The following VPS13B variants were observed in gnomAD, a reference collection of about 807,000 sequenced individuals.
VPS13B encodes vacuolar protein sorting 13 homolog B, also known as intermembrane lipid transfer protein VPS13B.
A neutral mutation model predicts 426.4 loss-of-function variants in VPS13B; 285 were observed. That is an observed-to-expected ratio of 0.67 (90% confidence interval 0.61 to 0.74). The LOEUF is 0.74. Ranked by LOEUF, VPS13B falls within the 30% of genes least tolerant of loss-of-function variation. The probability of loss-of-function intolerance (pLI) is 0.00; values close to 1 mark genes in which losing one functional copy is unlikely to be tolerated. For missense variants in VPS13B, 4,537 were observed against 4,782.6 expected (o/e 0.95, Z 1.51); for synonymous variants, 1,676 against 1,676.4 (o/e 1.00, Z 0.01).
intron 3 of VPS13B, among the ~76,000 whole-genome samples, chr8:99,078,376 A>T (rs1164183338): frequency 1.4e-5 from 2 of 147,646 alleles, no homozygotes; most frequent in African/African-American, 5.0e-5. Context: ...TTTGTCTTTG[A>T]TTCTTGGTGG....
intron 33 of VPS13B, among the ~76,000 whole-genome samples, chr8:99,591,997 A>T (rs1008194508): frequency 6.6e-6 from 1 of 152,076 alleles, no homozygotes; most frequent in African/African-American, 2.4e-5. Context: ...AATCAAACAT[A>T]GATTTGGTCT....
chr8:99,831,391 G>T (rs1034423320), intron 51 of VPS13B, among the ~76,000 whole-genome samples: 2 of 152,030 alleles, frequency 1.3e-5, no homozygotes, highest in African/African-American at 4.8e-5. Flanking sequence ...GGTCTTAAGA[G>T]AACTTAAAAA....
At chr8:99,845,159 A>G (rs1251214283) in intron 54 of VPS13B, among the ~76,000 whole-genome samples, 1 of 152,202 alleles carries the variant, frequency 6.6e-6, no homozygotes, top group Non-Finnish European at 1.5e-5. Flanking sequence ...TTGCTAGAAC[A>G]CTACTTCTAT....
At chr8:99,094,885 C>G (rs1288713422) in intron 3 of VPS13B, among the ~76,000 whole-genome samples, 1 of 152,146 alleles carries the variant, frequency 6.6e-6, no homozygotes, top group African/African-American at 2.4e-5. Flanking sequence ...GCAATGCACT[C>G]TCAGCTACCC....
chr8:99,257,668 A>G (rs1588180534), intron 17 of VPS13B, among the ~76,000 whole-genome samples: 1 of 152,148 alleles, frequency 6.6e-6, no homozygotes, highest in South Asian at 2.1e-4. Flanking sequence ...GCCATGCTTC[A>G]AATATTTTTA....
intron 3 of VPS13B, among the ~76,000 whole-genome samples, chr8:99,077,154 C>T (rs1845170035): frequency 6.6e-6 from 1 of 151,874 alleles, no homozygotes; most frequent in Non-Finnish European, 1.5e-5. Flanking sequence ...TTTTCCTTCT[C>T]TTAGAAAGAT....
intron 14 of VPS13B, among the ~76,000 whole-genome samples, chr8:99,152,852 T>A (rs1811145467): frequency 6.6e-6 from 1 of 152,212 alleles, no homozygotes; most frequent in Admixed American, 6.5e-5. Flanking sequence ...ATTTCTCTAT[T>A]TTCTTTTAAT....
intron 58 of VPS13B, among the ~76,000 whole-genome samples, chr8:99,865,964 A>G (rs1205400701): frequency 6.6e-6 from 1 of 152,182 alleles, no homozygotes; most frequent in African/African-American, 2.4e-5. Context: ...CTGCTCCACA[A>G]TGAAGGCTTT....
intron 21 of VPS13B, among the ~76,000 whole-genome samples, chr8:99,401,247 G>C (rs547718938): frequency 6.6e-6 from 1 of 151,910 alleles, no homozygotes. Flanking sequence ...CAATTTAATG[G>C]GATAGTATTG....
intron 33 of VPS13B, among the ~76,000 whole-genome samples, chr8:99,584,464 T>C (rs1307793110): frequency 6.6e-6 from 1 of 152,256 alleles, no homozygotes; most frequent in African/African-American, 2.4e-5. Flanking sequence ...CTGTCTACGC[T>C]AGTCTTATTA....
Position 99,835,281 on chromosome 8 carries a change from C to G in VPS13B, c.9699C>G (p.His3233Gln). The G allele has an allele frequency of 6.2e-7, 1 of 1,613,240 alleles. No homozygotes were observed. The stretch of plus-strand genomic sequence containing the variant: ...ACCCTAGTCCTCGAGTAATTATCCA[C>G]AATAGATGTCCAGTAAAAATGCTTA... The part of the protein sequence containing the change: ...SEDPSPRVII[H>Q]NRCPVKMLIK... The change falls in exon 53 of 62, where the codon CAC becomes CAG. Residue 3233 changes from histidine to glutamine, a missense_variant. By Grantham distance (24) the His-to-Gln change is conservative (BLOSUM62 0). Transcript: ENST00000357162.
chr8:99,810,618 C>A (rs1177626472), intron 44 of VPS13B, among the ~76,000 whole-genome samples: 1 of 152,188 alleles, frequency 6.6e-6, no homozygotes, highest in African/African-American at 2.4e-5. Flanking sequence ...GAAGACTCTT[C>A]CCAATTAACT....
intron 36 of VPS13B, among the ~76,000 whole-genome samples, chr8:99,708,291 A>G (rs968788874): frequency 5.9e-5 from 9 of 152,140 alleles, no homozygotes; most frequent in African/African-American, 1.7e-4. Flanking sequence ...GAGGCAAAGC[A>G]TATCCTCCAT....
intron 15 of VPS13B, among the ~76,000 whole-genome samples, chr8:99,163,113 A>G (rs1264691069): frequency 1.3e-5 from 2 of 148,708 alleles, no homozygotes; most frequent in Non-Finnish European, 3.0e-5. Flanking sequence ...GTGTTTACAA[A>G]CCTTGAGCTA....
intron 44 of VPS13B, among the ~76,000 whole-genome samples, chr8:99,816,262 C>T (rs1814031119): frequency 6.6e-6 from 1 of 152,024 alleles, no homozygotes; most frequent in Non-Finnish European, 1.5e-5. Context: ...GCCACCATGC[C>T]CAGCTAATTT....
chr8:99,778,393 A>G (rs1474583046), intron 41 of VPS13B, among the ~76,000 whole-genome samples: 1 of 152,182 alleles, frequency 6.6e-6, no homozygotes, highest in East Asian at 1.9e-4. Flanking sequence ...CTTTAGATAG[A>G]TACCTGCTTT....
intron 30 of VPS13B, among the ~76,000 whole-genome samples, chr8:99,523,813 ACT>A: frequency 1.3e-5 from 2 of 152,238 alleles, no homozygotes; most frequent in East Asian, 3.9e-4. Flanking sequence ...TAAATACTTA[ACT>A]CTTAAATGCC....
At chr8:99,798,705 G>C (rs550622708) in intron 43 of VPS13B, among the ~76,000 whole-genome samples, 79 of 152,276 alleles carry the variant, frequency 5.2e-4, no homozygotes, top group African/African-American at 1.8e-3. Context: ...ATAAATCTCA[G>C]ATATTGAAAT....
In VPS13B at chr8:99,570,538, T is replaced by C. The variant is rs570191111; in HGVS notation, c.4950-5120T>C. 4.6e-5 allele frequency among the ~76,000 whole-genome samples: 7 copies of C among 152,206 alleles called. No individual in the cohort carries two copies. In the South Asian group the frequency reaches 1.0e-3, roughly 23 times the overall value. On this transcript the variant is annotated intron_variant, in intron 31 of 61. Coordinates refer to ENST00000357162, the MANE Select transcript of VPS13B (RefSeq NM_152564.5). ...TCTTTGGTTGTTTTTGAAACCTGAT[T>C]TGCCCTTTTGAATAGTGCCTTGCTT...
Sources: allele counts gnomAD v4.1 joint callset (sites outside exome capture counted in the v4.1 genomes callset), GRCh38; gene constraint gnomAD v4.1.1; transcripts MANE v1.5; gene names NCBI Gene and HGNC (gene_info 2026-07-23, HGNC 2026-07-21).